LARP1B: variants seen among roughly 807,000 people sequenced by gnomAD.
LARP1B encodes the protein La ribonucleoprotein 1B, also known as la-related protein 1B.
In LARP1B, 76 loss-of-function variants were observed where a neutral mutation model predicts 114.2. The ratio of observed to expected loss-of-function variants is 0.67; its 90% CI spans 0.55 to 0.81. The LOEUF is 0.81. Ranked by LOEUF, LARP1B falls within the 30% of genes least tolerant of loss-of-function variation. LARP1B has a pLI of 0.00. For synonymous variants in LARP1B, 345 were observed against 348.0 expected, an observed-to-expected ratio of 0.99 and a Z score of 0.10; for missense variants, 1,014 against 1,075.8, an observed-to-expected ratio of 0.94 and a Z score of 0.80.
chr4:128,076,297 G>T (rs1319366839), intron 3 of LARP1B, among the ~76,000 whole-genome samples: 1 of 152,136 alleles, frequency 6.6e-6, no homozygotes, highest in Admixed American at 6.5e-5. Flanking sequence ...GAGCCACTGC[G>T]CCCAGCCTCA....
Position 128,091,455 on chromosome 4 carries a change from G to A in LARP1B, c.611G>A (p.Gly204Asp). The A allele has an allele frequency of 6.2e-7, 1 of 1,611,352 alleles. No homozygotes were observed. Residue 204 changes from glycine (G) to aspartate (D), a missense_variant, in exon 7 of 20, where the codon GGT becomes GAT. Coordinates refer to ENST00000326639, the MANE Select transcript of LARP1B (RefSeq NM_018078.4). ...SMMYYYDDGTGVQVYPVEEAL... is the reference protein window; with the variant it reads ...SMMYYYDDGTDVQVYPVEEAL... The stretch of plus-strand genomic sequence containing the variant: ...ATGTATTACTATGATGATGGTACAG[G>A]TGTACAGGTGTATCCTGTGGAAGAA...
intron 12 of LARP1B, 21 bp from the exon 13 acceptor site, chr4:128,176,851 A>G (rs1295408283): frequency 8.7e-6 from 14 of 1,611,644 alleles, no homozygotes; most frequent in Middle Eastern, 1.6e-4. Flanking sequence ...ACAAAAAGGG[A>G]CTAATTAACT....
chr4:128,165,511 G>T (rs1488729038), intron 12 of LARP1B, among the ~76,000 whole-genome samples: 1 of 151,962 alleles, frequency 6.6e-6, no homozygotes, highest in East Asian at 1.9e-4. Flanking sequence ...GGAAAGATTG[G>T]AAGGTAAAGG....
chr4:128,202,675 T>G (rs1002738123), intron 17 of LARP1B, among the ~76,000 whole-genome samples: 1 of 152,260 alleles, frequency 6.6e-6, no homozygotes, highest in Non-Finnish European at 1.5e-5. Flanking sequence ...GTTCCTCTTC[T>G]GTGTTCCTAT....
At chr4:128,087,973 A>G (rs919955782) in intron 5 of LARP1B, among the ~76,000 whole-genome samples, 7 of 151,954 alleles carry the variant, frequency 4.6e-5, no homozygotes, top group Admixed American at 1.3e-4. Context: ...TCATAATTTC[A>G]TTAATTTTTT....
intron 12 of LARP1B, among the ~76,000 whole-genome samples, chr4:128,167,701 C>T (rs1254940858): frequency 1.3e-5 from 2 of 152,012 alleles, no homozygotes; most frequent in African/African-American, 4.8e-5. Context: ...GGAACTTTGA[C>T]AGATGAATGC....
At chr4:128,212,889 C>T (rs1223966978), downstream of LARP1B, among the ~76,000 whole-genome samples, 2 of 143,984 alleles carry the variant, frequency 1.4e-5, no homozygotes, top group African/African-American at 5.0e-5. Flanking sequence ...GACTGATAAG[C>T]AAAAAATCAT....
At chr4:128,107,990 C>G in intron 9 of LARP1B, 1 of 1,525,492 alleles carries the variant, frequency 6.6e-7, no homozygotes, top group Non-Finnish European at 8.7e-7. Flanking sequence ...AATCCTGCTG[C>G]AAAAATGAAA....
At chr4:128,164,704 A>T (rs1201948526) in intron 12 of LARP1B, among the ~76,000 whole-genome samples, 1 of 152,156 alleles carries the variant, frequency 6.6e-6, no homozygotes, top group Non-Finnish European at 1.5e-5. Context: ...TCATGCCTAT[A>T]ATCCCAACAC....
chr4:128,135,167 A>G (rs1400104852), intron 11 of LARP1B, among the ~76,000 whole-genome samples: 2 of 152,036 alleles, frequency 1.3e-5, no homozygotes, highest in Non-Finnish European at 2.9e-5. Flanking sequence ...ACATTTGAAA[A>G]GATGCTCGAA....
At position 128,077,844 on chromosome 4, in the gene LARP1B, A is replaced by C; in HGVS notation, c.99A>C (p.Glu33Asp). The C allele has an allele frequency of 6.2e-7, 1 of 1,611,554 alleles. No individual in the cohort carries two copies. The highest frequency in any genetic ancestry group is 1.3e-5 in the African/African-American group (1 of 74,898). The stretch of plus-strand genomic sequence containing the variant: ...AGCCACAAAATAGAAAAGAAAAAGA[A>C]GAGAAGGTTGAAAAGAGAAGTAACA... ...NKKPQNRKEK[E>D]EKVEKRSNSD... Residue 33 changes from glutamate to aspartate, a missense_variant, in exon 4 of 20, where the codon GAA becomes GAC. Transcript: ENST00000326639.
At chr4:128,094,400 C>CTTTTTTTT (rs776529101) in intron 7 of LARP1B, among the ~76,000 whole-genome samples, 9 of 128,748 alleles carry the variant, frequency 7.0e-5, no homozygotes, top group Non-Finnish European at 8.2e-5. Context: ...TTTTCTTTTT[C>CTTTTTTTT]TTTTTTTTTT....
intron 14 of LARP1B, among the ~76,000 whole-genome samples, chr4:128,178,953 G>A (rs1004728728): frequency 9.2e-5 from 14 of 152,202 alleles, no homozygotes; most frequent in African/African-American, 2.2e-4. Flanking sequence ...TTAGATGGGC[G>A]TGGTGGCGTG....
At position 128,099,231 on chromosome 4, in the gene LARP1B, T is replaced by G. The variant is rs368522886; in HGVS notation, c.813+901T>G. ...ATCTTTTTTTTTCTAGCCAATTTCT[T>G]TCCCTACACACAACCCTTGGTAACC... is the stretch of plus-strand genomic sequence containing the variant. On this transcript the variant is annotated intron_variant, in intron 8 of 19. Coordinates refer to ENST00000326639, the MANE Select transcript of LARP1B (RefSeq NM_018078.4). 3.3e-5 allele frequency among the ~76,000 whole-genome samples: 5 copies of G among 151,890 alleles called. No individual in the cohort carries two copies. The East Asian group carries it at 5.9e-4, about 18-fold the overall frequency.
intron 15 of LARP1B, among the ~76,000 whole-genome samples, chr4:128,182,847 C>G (rs1018150784): frequency 2.0e-5 from 3 of 152,114 alleles, no homozygotes; most frequent in Non-Finnish European, 2.9e-5. Context: ...GAAAGTGAAA[C>G]AGTTTTATTG....
At chr4:128,170,379 A>G (rs994466123) in intron 12 of LARP1B, among the ~76,000 whole-genome samples, 4 of 152,158 alleles carry the variant, frequency 2.6e-5, no homozygotes, top group Non-Finnish European at 4.4e-5. Flanking sequence ...GATGAGTTCT[A>G]TATCTTTGCT....
intron 11 of LARP1B, among the ~76,000 whole-genome samples, chr4:128,136,323 A>G (rs867310699): frequency 6.6e-6 from 1 of 151,656 alleles, no homozygotes; most frequent in African/African-American, 2.4e-5. Flanking sequence ...AAGAAAAACA[A>G]AAAAACAAAA....
At chr4:128,091,284 T>C (rs1445337667) in intron 6 of LARP1B, 63 bp from the exon 7 acceptor site, 33 of 1,519,094 alleles carry the variant, frequency 2.2e-5, no homozygotes, top group Non-Finnish European at 2.8e-5. Flanking sequence ...TTCTTCACTT[T>C]ATCCGTAGTA....
chr4:128,147,292 A>G, intron 11 of LARP1B, among the ~76,000 whole-genome samples: 1 of 152,216 alleles, frequency 6.6e-6, no homozygotes, highest in South Asian at 2.1e-4. Context: ...TTCTTTGCTC[A>G]GATTTCTGTG....
Sources: allele counts gnomAD v4.1 joint callset (sites outside exome capture counted in the v4.1 genomes callset), GRCh38; gene constraint gnomAD v4.1.1; transcripts MANE v1.5; gene names NCBI Gene and HGNC (gene_info 2026-07-23, HGNC 2026-07-21).